Variants in ATP6V1H observed in about 807,000 individuals in gnomAD.
ATP6V1H encodes V-type proton ATPase subunit H.
A neutral mutation model predicts 71.7 loss-of-function variants in ATP6V1H; 39 were observed. The ratio of observed to expected loss-of-function variants is 0.54; its 90% confidence interval spans 0.42 to 0.71. The LOEUF is 0.71. Ranked by LOEUF, ATP6V1H falls within the 30% of genes least tolerant of loss-of-function variation. The pLI is 0.00. For missense variants in ATP6V1H, 509 were observed against 594.9 expected (o/e 0.86, Z 1.50); for synonymous variants, 192 against 199.3 (o/e 0.96, Z 0.31).
At chr8:53,790,917 T>G (rs1809545349) in intron 9 of ATP6V1H, among the ~76,000 whole-genome samples, 1 of 152,204 alleles carries the variant, frequency 6.6e-6, no homozygotes, top group Admixed American at 6.5e-5. Flanking sequence ...TACTTAATAT[T>G]TTTCTATTGT....
chr8:53,725,358 C>T (rs975986585), intron 13 of ATP6V1H, among the ~76,000 whole-genome samples: 17 of 152,190 alleles, frequency 1.1e-4, no homozygotes, highest in African/African-American at 3.9e-4. Context: ...GATGCAGCCC[C>T]TCAACCTTGA....
chr8:53,828,201 A>C (rs964144574), intron 4 of ATP6V1H, among the ~76,000 whole-genome samples: 10 of 152,186 alleles, frequency 6.6e-5, no homozygotes, highest in African/African-American at 9.7e-5. Flanking sequence ...TTTCCTCGAT[A>C]ATTGAGTTGT....
intron 2 of ATP6V1H, chr8:53,839,719 C>T: frequency 5.1e-6 from 5 of 985,402 alleles, no homozygotes; most frequent in Non-Finnish European, 6.0e-6. Context: ...ACCTACAGCT[C>T]CTTGGAAAAT....
At chr8:53,794,253 CTATT>C (rs747577484) in intron 9 of ATP6V1H, among the ~76,000 whole-genome samples, 21 of 152,084 alleles carry the variant, frequency 1.4e-4, no homozygotes, top group African/African-American at 4.3e-4. Flanking sequence ...AATTATACAT[CTATT>C]TATTTATCTC....
chr8:53,769,933 A>T (rs189891120), intron 10 of ATP6V1H, among the ~76,000 whole-genome samples, 190 bp from the exon 11 acceptor site: 1 of 152,268 alleles, frequency 6.6e-6, no homozygotes, highest in Admixed American at 6.5e-5. Flanking sequence ...AATTTTATTC[A>T]GTGTAGTAAG....
chr8:53,747,766 C>T (rs1056749354), intron 12 of ATP6V1H, among the ~76,000 whole-genome samples: 11 of 151,844 alleles, frequency 7.2e-5, no homozygotes, highest in African/African-American at 2.7e-4. Flanking sequence ...TTGTCTCAAA[C>T]TCGTGACCTC....
At chr8:53,819,039 C>CT (rs1349426459) in intron 4 of ATP6V1H, among the ~76,000 whole-genome samples, 1 of 151,554 alleles carries the variant, frequency 6.6e-6, no homozygotes, top group Non-Finnish European at 1.5e-5. Flanking sequence ...TACCCCATCT[C>CT]TACAAAAAAA....
In ATP6V1H at chr8:53,795,655, C is replaced by T. The variant is rs769111070; in HGVS notation, c.862G>A (p.Ala288Thr). 5.0e-6 allele frequency: 8 copies of T among 1,613,120 alleles called. No individual in the cohort carries two copies. Among genetic ancestry groups the T allele is most frequent in the Non-Finnish European group, 8.5e-7 (1 of 1,179,638 alleles). The change falls in exon 9 of 14, where the codon GCA becomes ACA. Residue 288 changes from alanine to threonine, a missense_variant. Physicochemically the swap from Ala to Thr is moderately conservative, Grantham distance 58. Transcript: ENST00000359530. ...CAACATAAAACACTTACACGAAATG[C>T]TGCAAGAATGATTCTTGTTACTTTC... The part of the protein sequence containing the change: ...KEKVTRIILA[A>T]FRNFLEKSTE...
rs375015656 is a variant in ATP6V1H, at chr8:53,817,471, C to T, written c.366G>A (p.Ala122=). The change falls in exon 5 of 14, where the codon GCG becomes GCA. Residue 122 remains alanine (A), a synonymous_variant. Coordinates refer to ENST00000359530, the MANE Select transcript of ATP6V1H (RefSeq NM_015941.4). ...FDYARCSKNT[A]WPYFLPMLNR... is the part of the protein sequence containing the mutation. ...TCAACATTGGCAGAAAGTAGGGCCACGCAGTGTTCTTGCTACATCTTGCAT... is the reference window on the plus strand; with the variant it reads ...TCAACATTGGCAGAAAGTAGGGCCATGCAGTGTTCTTGCTACATCTTGCAT... 72 of 1,613,814 alleles carry T rather than the reference C, an allele frequency of 4.5e-5. 1 individual carries two copies. In the Admixed American group the frequency reaches 7.5e-4, roughly 17 times the overall value.
At chr8:53,805,393 A>G (rs1810048723) in intron 7 of ATP6V1H, among the ~76,000 whole-genome samples, 2 of 152,246 alleles carry the variant, frequency 1.3e-5, no homozygotes, top group Admixed American at 6.5e-5. Flanking sequence ...CAAAGTTCTA[A>G]AAGTAATTAA....
intron 9 of ATP6V1H, among the ~76,000 whole-genome samples, chr8:53,794,058 C>T (rs1453565840): frequency 6.6e-6 from 1 of 152,042 alleles, no homozygotes; most frequent in Non-Finnish European, 1.5e-5. Context: ...ACTAGAAACA[C>T]CACCACATGG....
intron 10 of ATP6V1H, 29 bp downstream of exon 10, chr8:53,771,960 G>A: frequency 1.9e-6 from 3 of 1,591,436 alleles, no homozygotes; most frequent in East Asian, 2.2e-5. Flanking sequence ...AACAGATCCA[G>A]CACATGAGAA....
intron 2 of ATP6V1H, 110 bp downstream of exon 2, chr8:53,841,468 T>G: frequency 7.8e-7 from 1 of 1,275,642 alleles, no homozygotes; most frequent in Non-Finnish European, 1.1e-6. Flanking sequence ...AAGTGTTTCT[T>G]CCACATTTTT....
At chr8:53,769,404 G>A (rs1808573869) in intron 11 of ATP6V1H, among the ~76,000 whole-genome samples, 1 of 152,110 alleles carries the variant, frequency 6.6e-6, no homozygotes, top group Non-Finnish European at 1.5e-5. Flanking sequence ...TAGAACTCCT[G>A]TAGAAGGAAA....
intron 10 of ATP6V1H, among the ~76,000 whole-genome samples, chr8:53,771,711 C>A (rs189981911): frequency 1.3e-5 from 2 of 152,258 alleles, no homozygotes; most frequent in South Asian, 4.1e-4. Context: ...AGAGAAGACT[C>A]GAGGAGCTCC....
chr8:53,741,375 C>A (rs924687179), intron 13 of ATP6V1H, among the ~76,000 whole-genome samples: 6 of 152,098 alleles, frequency 3.9e-5, no homozygotes, highest in Admixed American at 3.3e-4. Context: ...AACCACTAAC[C>A]CAACAAGAAA....
intron 3 of ATP6V1H, among the ~76,000 whole-genome samples, chr8:53,830,065 A>G (rs1810956054): frequency 6.6e-6 from 1 of 152,200 alleles, no homozygotes; most frequent in Non-Finnish European, 1.5e-5. Flanking sequence ...CAATTTGTAT[A>G]TGGGCTCCTT....
At chr8:53,816,224 T>A (rs1233633248) in intron 5 of ATP6V1H, among the ~76,000 whole-genome samples, 2 of 152,196 alleles carry the variant, frequency 1.3e-5, no homozygotes, top group Admixed American at 1.3e-4. Context: ...TACATATACA[T>A]GTGGAAGGAG....
chr8:53,723,064 C>T (rs768119064), intron 13 of ATP6V1H, among the ~76,000 whole-genome samples: 1 of 152,170 alleles, frequency 6.6e-6, no homozygotes, highest in Non-Finnish European at 1.5e-5. Flanking sequence ...AACCACAACA[C>T]GTGGGCCAGA....
Sources: gnomAD v4.1 joint callset for allele counts (sites outside exome capture counted in the v4.1 genomes callset) on GRCh38, gnomAD v4.1.1 for gene constraint, MANE v1.5 for transcripts, NCBI Gene and HGNC (gene_info 2026-07-23, HGNC 2026-07-21) for gene names.